Variants in MDGA2 observed in about 807,000 individuals in gnomAD.
The protein encoded by MDGA2 is MAM domain-containing glycosylphosphatidylinositol anchor protein 2.
Under a neutral mutation model 117.8 loss-of-function variants are expected in MDGA2, and 40 were observed. The observed-to-expected ratio is 0.34, with a 90% confidence interval of 0.26 to 0.44. The LOEUF is 0.44. MDGA2 is among the 20% of genes least tolerant of loss of function. The pLI, the probability that MDGA2 is intolerant of heterozygous loss-of-function variation, is 1.00. For missense variants in MDGA2, 1,123 were observed against 1,250.6 expected, an observed-to-expected ratio of 0.90 and a Z score of 1.54; for synonymous variants, 452 against 439.0, an observed-to-expected ratio of 1.03 and a Z score of -0.37.
intron 1 of MDGA2, among the ~76,000 whole-genome samples, chr14:47,337,992 A>G (rs968568575): frequency 4.6e-5 from 7 of 152,034 alleles, no homozygotes; most frequent in Non-Finnish European, 1.0e-4. Flanking sequence ...TGCAGTTGCT[A>G]CTACATAGTC....
At chr14:47,028,902 T>C (rs1888566388) in intron 8 of MDGA2, among the ~76,000 whole-genome samples, 2 of 152,334 alleles carry the variant, frequency 1.3e-5, no homozygotes, top group South Asian at 2.1e-4. Context: ...CCTTTTTGCC[T>C]GGCCTAGATC....
intron 6 of MDGA2, among the ~76,000 whole-genome samples, chr14:47,075,784 A>G (rs182932834): frequency 6.6e-6 from 1 of 152,124 alleles, no homozygotes; most frequent in African/African-American, 2.4e-5. Flanking sequence ...ATATTTAAAA[A>G]ATTTTTTCTT....
intron 8 of MDGA2, among the ~76,000 whole-genome samples, chr14:46,972,693 A>G (rs918937753): frequency 3.9e-5 from 6 of 152,172 alleles, no homozygotes; most frequent in African/African-American, 1.2e-4. Context: ...ATAGAAAAAA[A>G]GCTAGATGAC....
intron 10 of MDGA2, among the ~76,000 whole-genome samples, chr14:46,904,285 T>C (rs939568842): frequency 2.0e-5 from 3 of 151,046 alleles, no homozygotes; most frequent in Non-Finnish European, 4.4e-5. Flanking sequence ...GGCAAGAGAA[T>C]TGCAGAAACC....
At chr14:47,110,838 A>C (rs1279026001) in intron 5 of MDGA2, among the ~76,000 whole-genome samples, 2 of 152,196 alleles carry the variant, frequency 1.3e-5, no homozygotes, top group Non-Finnish European at 2.9e-5. Context: ...AAATGTCTAC[A>C]TTGGTTCCAT....
chr14:47,200,859 G>T, intron 3 of MDGA2: 1 of 844,908 alleles, frequency 1.2e-6, no homozygotes, highest in East Asian at 2.5e-5. Context: ...TCATAGGGCG[G>T]TGGGATGCCG....
intron 9 of MDGA2, among the ~76,000 whole-genome samples, chr14:46,948,379 G>T (rs750447821): frequency 6.6e-6 from 1 of 151,924 alleles, no homozygotes; most frequent in Non-Finnish European, 1.5e-5. Context: ...TGTTCCTTAG[G>T]TAAAGGGAAG....
intron 3 of MDGA2, chr14:47,200,720 A>C: frequency 3.3e-6 from 3 of 916,022 alleles, no homozygotes; most frequent in Non-Finnish European, 5.2e-6. Context: ...CTTCTCCTGC[A>C]GGGTGGCTGT....
chr14:46,942,650 A>T (rs1885039335), intron 9 of MDGA2, among the ~76,000 whole-genome samples: 1 of 152,166 alleles, frequency 6.6e-6, no homozygotes, highest in Admixed American at 6.5e-5. Flanking sequence ...TATAAATGAA[A>T]TCATAAAATA....
chr14:47,221,314 G>C (rs1886291399), intron 2 of MDGA2, among the ~76,000 whole-genome samples: 1 of 152,032 alleles, frequency 6.6e-6, no homozygotes, highest in African/African-American at 2.4e-5. Context: ...GGGTGAAACA[G>C]ATCTTGTTTA....
intron 1 of MDGA2, among the ~76,000 whole-genome samples, chr14:47,428,781 A>C (rs559006924): frequency 1.3e-5 from 2 of 152,066 alleles, no homozygotes; most frequent in East Asian, 3.9e-4. Context: ...ACATACATAA[A>C]TATACATGTA....
chr14:47,259,629 T>G (rs1409739402), intron 2 of MDGA2, among the ~76,000 whole-genome samples: 1 of 152,054 alleles, frequency 6.6e-6, no homozygotes, highest in African/African-American at 2.4e-5. Flanking sequence ...TAGTATTCCA[T>G]TGGTACACAT....
chr14:47,226,218 TAA>T (rs1886495278), intron 2 of MDGA2, among the ~76,000 whole-genome samples: 1 of 97,984 alleles, frequency 1.0e-5, no homozygotes, highest in Non-Finnish European at 2.3e-5. Flanking sequence ...TGTCTCACCA[TAA>T]ATAAATAAAT....
At chr14:47,163,424 G>A (rs532712312) in intron 3 of MDGA2, among the ~76,000 whole-genome samples, 88 of 152,182 alleles carry the variant, frequency 5.8e-4, no homozygotes, top group Admixed American at 3.1e-3. Context: ...TTGTGGGGGT[G>A]GGGGGTCTTT....
intron 1 of MDGA2, among the ~76,000 whole-genome samples, chr14:47,638,611 C>T (rs927469288): frequency 6.6e-6 from 1 of 152,118 alleles, no homozygotes; most frequent in Non-Finnish European, 1.5e-5. Context: ...ATACCCCTCA[C>T]CCAGTACTCA....
At chr14:47,296,644 T>C (rs1889084629) in intron 2 of MDGA2, among the ~76,000 whole-genome samples, 1 of 152,174 alleles carries the variant, frequency 6.6e-6, no homozygotes, top group African/African-American at 2.4e-5. Context: ...ACACTGCCGT[T>C]GAGAAAGCAA....
At chr14:46,932,590 G>T (rs1484473648) in intron 9 of MDGA2, among the ~76,000 whole-genome samples, 1 of 151,994 alleles carries the variant, frequency 6.6e-6, no homozygotes, top group Non-Finnish European at 1.5e-5. Flanking sequence ...GAAAGGCAAA[G>T]ATAATTAAAA....
At chr14:47,644,827 C>G (rs901720694) in intron 1 of MDGA2, among the ~76,000 whole-genome samples, 1 of 152,012 alleles carries the variant, frequency 6.6e-6, no homozygotes, top group Non-Finnish European at 1.5e-5. Flanking sequence ...TAAATTTATG[C>G]AATTATTATA....
chr14:47,497,025 A>C (rs896069097), intron 1 of MDGA2, among the ~76,000 whole-genome samples: 1 of 151,918 alleles, frequency 6.6e-6, no homozygotes, highest in African/African-American at 2.4e-5. Flanking sequence ...CAGCAGGTGG[A>C]GCTAAGGTGG....
Sources: allele counts gnomAD v4.1 joint callset (sites outside exome capture counted in the v4.1 genomes callset), GRCh38; gene constraint gnomAD v4.1.1; transcripts MANE v1.5; gene names NCBI Gene and HGNC (gene_info 2026-07-23, HGNC 2026-07-21).